Variants in KCND2 observed in about 807,000 individuals in gnomAD.
KCND2 encodes the protein A-type voltage-gated potassium channel KCND2.
In KCND2, 16 loss-of-function variants were observed where a neutral mutation model predicts 54.4. The ratio of observed to expected loss-of-function variants is 0.29; its 90% CI spans 0.20 to 0.45. KCND2 has a LOEUF of 0.45. Among genes scored for constraint, KCND2 ranks in the 20% least tolerant of loss-of-function variants. The pLI is 1.00. For synonymous variants in KCND2, 317 were observed against 310.7 expected, an observed-to-expected ratio of 1.02 and a Z score of -0.21; for missense variants, 486 against 824.2, an observed-to-expected ratio of 0.59 and a Z score of 5.02.
chr7:120,362,378 C>T (rs1036083687), intron 1 of KCND2, among the ~76,000 whole-genome samples: 6 of 151,992 alleles, frequency 3.9e-5, no homozygotes, highest in Admixed American at 1.3e-4. Context: ...CCGTCGTATT[C>T]ATCTTGAGTT....
intron 1 of KCND2, among the ~76,000 whole-genome samples, chr7:120,709,285 C>G (rs1792508963): frequency 2.0e-5 from 3 of 152,036 alleles, no homozygotes; most frequent in Non-Finnish European, 4.4e-5. Flanking sequence ...TGAATTTTAC[C>G]ACTTATCTTT....
chr7:120,524,735 A>G (rs1429291674), intron 1 of KCND2, among the ~76,000 whole-genome samples: 1 of 152,212 alleles, frequency 6.6e-6, no homozygotes, highest in Non-Finnish European at 1.5e-5. Flanking sequence ...TGGATTAGTC[A>G]ATACCCTAAT....
intron 1 of KCND2, among the ~76,000 whole-genome samples, chr7:120,650,151 G>T (rs1340095219): frequency 2.0e-5 from 3 of 148,442 alleles, no homozygotes; most frequent in African/African-American, 7.6e-5. Flanking sequence ...TCCTGAATTT[G>T]AATGTTGGCT....
At position 120,718,703 on chromosome 7, in the gene KCND2, AT is replaced by A. The variant is rs1792632705; in HGVS notation, c.1116-14199del. ...GACATTATTTACAGCACTTAAAAAA[AT>A]AATTTAGAAACAATTGAGAGGAGAA... On this transcript the variant is annotated intron_variant, in intron 1 of 5. Coordinates refer to ENST00000331113, the MANE Select transcript of KCND2 (RefSeq NM_012281.3). 2.6e-5 allele frequency among the ~76,000 whole-genome samples: 4 copies of A among 152,324 alleles called. No homozygotes were observed. In the South Asian group the frequency reaches 8.3e-4, roughly 32 times the overall value.
At chr7:120,556,137 A>T (rs569882842) in intron 1 of KCND2, among the ~76,000 whole-genome samples, 12 of 152,266 alleles carry the variant, frequency 7.9e-5, no homozygotes, top group Non-Finnish European at 1.2e-4. Context: ...CTTCAAAGAG[A>T]TTGATATTAG....
At chr7:120,275,936 T>G (rs2116245264) in intron 1 of KCND2, among the ~76,000 whole-genome samples, 189 bp downstream of exon 1, 1 of 152,270 alleles carries the variant, frequency 6.6e-6, no homozygotes, top group East Asian at 1.9e-4. Flanking sequence ...GTTGAAGTAT[T>G]AAGGCATTGC....
chr7:120,315,764 CAGTGTGTGTGTG>C (rs1381924193), intron 1 of KCND2, among the ~76,000 whole-genome samples: 5 of 103,582 alleles, frequency 4.8e-5, no homozygotes, highest in East Asian at 3.0e-4. Flanking sequence ...TTTCCATAAG[CAGTGTGTGTGTG>C]TGTGTGTGTG....
chr7:120,431,537 A>C (rs1801788139), intron 1 of KCND2, among the ~76,000 whole-genome samples: 1 of 152,146 alleles, frequency 6.6e-6, no homozygotes, highest in African/African-American at 2.4e-5. Context: ...AATTCTCCAC[A>C]CGTGCCTTTT....
intron 1 of KCND2, among the ~76,000 whole-genome samples, chr7:120,714,281 A>C (rs1166910419): frequency 6.6e-6 from 1 of 151,428 alleles, no homozygotes; most frequent in Non-Finnish European, 1.5e-5. Flanking sequence ...AGTTGGTGAG[A>C]TAAACCTTTC....
At chr7:120,281,427 GAA>G (rs10708123) in intron 1 of KCND2, among the ~76,000 whole-genome samples, 105,660 of 145,238 alleles carry the variant, frequency 0.73, 41,104 homozygotes, top group South Asian at 0.91. Flanking sequence ...GTCTGATATT[GAA>G]AAAAAAAAAA....
chr7:120,713,223 A>T (rs921736563), intron 1 of KCND2, among the ~76,000 whole-genome samples: 17 of 152,194 alleles, frequency 1.1e-4, no homozygotes, highest in South Asian at 4.1e-4. Flanking sequence ...AGCTCCTAGG[A>T]AGTCCATGAA....
chr7:120,423,355 C>A (rs978418580), intron 1 of KCND2, among the ~76,000 whole-genome samples: 11 of 152,280 alleles, frequency 7.2e-5, no homozygotes, highest in African/African-American at 2.6e-4. Context: ...ACAATTTATT[C>A]ATCAGTTCAA....
chr7:120,358,013 G>T (rs1319817711), intron 1 of KCND2, among the ~76,000 whole-genome samples: 1 of 152,092 alleles, frequency 6.6e-6, no homozygotes, highest in African/African-American at 2.4e-5. Context: ...AGTTTTGAAG[G>T]TATTATGGGT....
intron 1 of KCND2, among the ~76,000 whole-genome samples, chr7:120,374,802 C>G (rs1370375748): frequency 6.6e-6 from 1 of 151,816 alleles, no homozygotes; most frequent in Non-Finnish European, 1.5e-5. Context: ...TTTCTTCTGC[C>G]TGAGTGTGCA....
intron 1 of KCND2, among the ~76,000 whole-genome samples, chr7:120,313,602 G>T (rs529119700): frequency 6.6e-6 from 1 of 152,104 alleles, no homozygotes; most frequent in East Asian, 1.9e-4. Flanking sequence ...ACGCCTTGAA[G>T]TAGTAGCAGC....
Position 120,295,393 on chromosome 7 carries a change from GAC to G in KCND2, c.1115+19662_1115+19663del, listed in dbSNP as rs371319816. Among the ~76,000 whole-genome samples the G allele has an allele frequency of 5.3e-3, 343 of 64,860 alleles. 2 individuals carry two copies. The highest frequency in any genetic ancestry group is 0.021 in the African/African-American group (298 of 14,534). The allele number at this position is 64,860 out of a possible 152,430, so 42.6% of individuals were successfully genotyped here. A position where few individuals can be genotyped will look rare whatever the true frequency, so the allele number is the denominator to read the frequency against. On this transcript the variant is annotated intron_variant, in intron 1 of 5. Transcript: ENST00000331113. The stretch of plus-strand genomic sequence containing the variant: ...ACACACACACACACACACACACACA[GAC>G]ACACACACACACACAAACACACCCA...
intron 1 of KCND2, among the ~76,000 whole-genome samples, chr7:120,340,032 T>G (rs1027746765): frequency 1.3e-4 from 20 of 152,298 alleles, no homozygotes; most frequent in Non-Finnish European, 2.2e-4. Flanking sequence ...CCTAATCATA[T>G]TCACTGTAGT....
At chr7:120,401,907 C>G (rs1801259638) in intron 1 of KCND2, among the ~76,000 whole-genome samples, 1 of 152,122 alleles carries the variant, frequency 6.6e-6, no homozygotes, top group Non-Finnish European at 1.5e-5. Flanking sequence ...GTTATACATA[C>G]CCCACCACTC....
At chr7:120,730,200 C>A (rs1473138388) in intron 1 of KCND2, among the ~76,000 whole-genome samples, 2 of 152,028 alleles carry the variant, frequency 1.3e-5, no homozygotes, top group East Asian at 3.9e-4. Context: ...TATTAAAAAT[C>A]AAATCCCTTT....
Sources: gnomAD v4.1 joint callset for allele counts (sites outside exome capture counted in the v4.1 genomes callset) on GRCh38, gnomAD v4.1.1 for gene constraint, MANE v1.5 for transcripts, NCBI Gene and HGNC (gene_info 2026-07-23, HGNC 2026-07-21) for gene names.